CDH13: variants seen among roughly 807,000 people sequenced by gnomAD.
CDH13 encodes cadherin 13.
In CDH13, 24 loss-of-function variants were observed where a neutral mutation model predicts 63.8. The ratio of observed to expected loss-of-function variants is 0.38; its 90% confidence interval spans 0.27 to 0.53. The LOEUF (loss-of-function observed/expected upper bound fraction) is 0.53. Ranked by LOEUF, CDH13 falls within the 20% of genes least tolerant of loss-of-function variation. CDH13 has a pLI of 0.85. For synonymous variants in CDH13, 503 were observed against 355.3 expected, an observed-to-expected ratio of 1.42 and a Z score of -4.67; for missense variants, 1,049 against 903.1, an observed-to-expected ratio of 1.16 and a Z score of -2.07.
At chr16:83,037,747 T>C (rs1014011971) in intron 3 of CDH13, among the ~76,000 whole-genome samples, 14 of 152,314 alleles carry the variant, frequency 9.2e-5, no homozygotes, top group African/African-American at 3.4e-4. Context: ...TTTTGGCTTA[T>C]GTTGGACATG....
At chr16:83,161,074 C>T (rs973148337) in intron 4 of CDH13, among the ~76,000 whole-genome samples, 4 of 152,160 alleles carry the variant, frequency 2.6e-5, no homozygotes, top group East Asian at 3.9e-4. Flanking sequence ...TGTTCTTATA[C>T]GTCATACATG....
chr16:83,518,197 T>A (rs1361295971), intron 7 of CDH13, among the ~76,000 whole-genome samples: 1 of 152,182 alleles, frequency 6.6e-6, no homozygotes. Context: ...CAGGCTGGAG[T>A]GCAGTGGCGT....
In CDH13 at chr16:83,594,731, C is replaced by T. The variant is rs563455874; in HGVS notation, c.961-7723C>T. Among the ~76,000 whole-genome samples, 15 of 152,302 alleles carry T rather than the reference C, an allele frequency of 9.8e-5. No individual in the cohort carries two copies. The South Asian group carries it at 2.9e-3, about 29-fold the overall frequency. On this transcript the variant is annotated intron_variant, in intron 7 of 13. Transcript: ENST00000567109. ...ATCACATCTATTTGTTGATTTTCCC[C>T]CCACAGCTACCACTATGCTTGTTAT... is the stretch of plus-strand genomic sequence containing the variant.
At chr16:83,381,504 C>A (rs573845273) in intron 6 of CDH13, among the ~76,000 whole-genome samples, 3 of 152,106 alleles carry the variant, frequency 2.0e-5, no homozygotes, top group African/African-American at 7.2e-5. Flanking sequence ...GGATGCAGTT[C>A]TTCTGGATCT....
chr16:82,851,570 A>T lies in CDH13; in HGVS notation c.46-6792A>T, dbSNP rs286673. Among the ~76,000 whole-genome samples, 1,372 of 152,064 alleles carry T rather than the reference A, an allele frequency of 9.0e-3. 21 individuals carry two copies. The highest frequency in any genetic ancestry group is 0.03 in the African/African-American group (1,252 of 41,400). On this transcript the variant is annotated intron_variant, in intron 1 of 13. Coordinates refer to ENST00000567109, the MANE Select transcript of CDH13 (RefSeq NM_001257.5). ...AAGTGTCTGTGACCTTAATGACCAG[A>T]AACGTGTCAGGTTTTCTGTGTTCCT...
intron 10 of CDH13, among the ~76,000 whole-genome samples, chr16:83,686,026 C>T (rs181521418): frequency 8.1e-4 from 124 of 152,312 alleles, no homozygotes; most frequent in Middle Eastern, 6.8e-3. Flanking sequence ...CATAACCACC[C>T]TGTAAATGAG....
chr16:83,324,024 T>A (rs2090300435), intron 5 of CDH13, among the ~76,000 whole-genome samples: 1 of 127,440 alleles, frequency 7.8e-6, no homozygotes. Flanking sequence ...TCATCACAGG[T>A]TTATTTCTTC....
Position 83,426,929 on chromosome 16 carries a change from TTTTTTTTTTTG to T in CDH13, c.782-59547_782-59537del, listed in dbSNP as rs1193899349. Among the ~76,000 whole-genome samples the T allele has an allele frequency of 6.8e-4, 57 of 83,990 alleles. 1 individual carries two copies. The East Asian group carries it at 8.2e-3, about 12-fold the overall frequency. 55.1% of individuals were successfully genotyped at this position (83,990 alleles called of 152,430 possible). ...TTTCTTTTTTTTTTTTTTTTTTTTT[TTTTTTTTTTTG>T]AAGACGGAGTCTCGCTTGCTCTGTC... is the stretch of plus-strand genomic sequence containing the variant. On this transcript the variant is annotated intron_variant, in intron 6 of 13. Coordinates refer to ENST00000567109, the MANE Select transcript of CDH13 (RefSeq NM_001257.5).
chr16:83,211,765 C>G (rs141952269), intron 4 of CDH13, among the ~76,000 whole-genome samples: 2,148 of 152,102 alleles, frequency 0.014, 29 homozygotes, highest in Non-Finnish European at 0.016. Context: ...CCTCCCCCCC[C>G]CAAACAGCCA....
At chr16:83,762,613 C>T (rs577759421) in intron 11 of CDH13, among the ~76,000 whole-genome samples, 2 of 152,254 alleles carry the variant, frequency 1.3e-5, no homozygotes, top group East Asian at 1.9e-4. Context: ...GGCGATTTCT[C>T]GTAAGGGTTC....
intron 6 of CDH13, among the ~76,000 whole-genome samples, chr16:83,375,556 G>A (rs1386730805): frequency 6.6e-6 from 1 of 152,170 alleles, no homozygotes; most frequent in African/African-American, 2.4e-5. Flanking sequence ...AGGGTGGCAT[G>A]GTAAAAACAG....
chr16:83,789,598 C>T (rs888667826), intron 13 of CDH13, among the ~76,000 whole-genome samples: 1 of 151,914 alleles, frequency 6.6e-6, no homozygotes, highest in Non-Finnish European at 1.5e-5. Flanking sequence ...ATCCACCCAC[C>T]TCAGCCTCCC....
chr16:83,691,003 T>C (rs1383904821), intron 10 of CDH13, among the ~76,000 whole-genome samples: 1 of 151,900 alleles, frequency 6.6e-6, no homozygotes, highest in Admixed American at 6.6e-5. Context: ...ATAACAGGTG[T>C]GAACCACTGG....
At chr16:83,276,116 G>T (rs1015826342) in intron 5 of CDH13, among the ~76,000 whole-genome samples, 5 of 152,154 alleles carry the variant, frequency 3.3e-5, no homozygotes, top group African/African-American at 1.2e-4. Context: ...GGAGCACTCA[G>T]TTCAAACTCG....
At chr16:82,665,398 G>A (rs1350092946) in intron 1 of CDH13, among the ~76,000 whole-genome samples, 1 of 152,078 alleles carries the variant, frequency 6.6e-6, no homozygotes, top group East Asian at 1.9e-4. Context: ...CGTAAAACAA[G>A]GTTATATATT....
chr16:83,053,811 A>G (rs1266701674), intron 3 of CDH13, among the ~76,000 whole-genome samples: 1 of 152,154 alleles, frequency 6.6e-6, no homozygotes, highest in Non-Finnish European at 1.5e-5. Flanking sequence ...TAACATATAC[A>G]GCAGCCCCCC....
At chr16:82,655,439 G>T (rs1429695220) in intron 1 of CDH13, among the ~76,000 whole-genome samples, 1 of 152,122 alleles carries the variant, frequency 6.6e-6, no homozygotes, top group Non-Finnish European at 1.5e-5. Context: ...TGTATGCCAG[G>T]AAGAGCAAAA....
intron 8 of CDH13, among the ~76,000 whole-genome samples, chr16:83,636,936 T>G (rs1401698454): frequency 6.6e-6 from 1 of 152,200 alleles, no homozygotes; most frequent in Non-Finnish European, 1.5e-5. Flanking sequence ...TTTTTGACTT[T>G]TGAACAAAAG....
chr16:83,417,037 T>A (rs1301937121), intron 6 of CDH13, among the ~76,000 whole-genome samples: 1 of 152,222 alleles, frequency 6.6e-6, no homozygotes. Context: ...ATTGTCCAAG[T>A]GCTTTACAGG....
Sources: allele counts gnomAD v4.1 joint callset (sites outside exome capture counted in the v4.1 genomes callset), GRCh38; gene constraint gnomAD v4.1.1; transcripts MANE v1.5; gene names NCBI Gene and HGNC (gene_info 2026-07-23, HGNC 2026-07-21).